Variants in DTNB observed in about 807,000 individuals in gnomAD.
DTNB encodes the protein dystrobrevin beta.
Under a neutral mutation model 90.7 loss-of-function variants are expected in DTNB, and 63 were observed. The ratio of observed to expected loss-of-function variants is 0.69; its 90% CI spans 0.57 to 0.86. The LOEUF (loss-of-function observed/expected upper bound fraction) is 0.86. Ranked by LOEUF, DTNB falls within the 40% of genes least tolerant of loss-of-function variation. The pLI is 0.00. For synonymous variants in DTNB, 277 were observed against 286.7 expected, an observed-to-expected ratio of 0.97 and a Z score of 0.34; for missense variants, 744 against 807.1, an observed-to-expected ratio of 0.92 and a Z score of 0.95.
At chr2:25,452,063 A>T (rs1490116631) in intron 11 of DTNB, among the ~76,000 whole-genome samples, 1 of 152,282 alleles carries the variant, frequency 6.6e-6, no homozygotes, top group African/African-American at 2.4e-5. Flanking sequence ...CTGGCTAAGC[A>T]AAAGTTTGGC....
intron 10 of DTNB, among the ~76,000 whole-genome samples, chr2:25,464,191 G>T (rs2061434043): frequency 6.6e-6 from 1 of 152,214 alleles, no homozygotes; most frequent in Admixed American, 6.5e-5. Flanking sequence ...TTACAGGCAT[G>T]AGCTATCGTG....
chr2:25,386,693 C>T (rs1317802617), intron 18 of DTNB, among the ~76,000 whole-genome samples: 1 of 152,072 alleles, frequency 6.6e-6, no homozygotes, highest in African/African-American at 2.4e-5. Context: ...TGGGAAGTCA[C>T]TGAATTGGTG....
intron 8 of DTNB, among the ~76,000 whole-genome samples, chr2:25,536,227 G>A (rs1374166389): frequency 2.0e-5 from 3 of 151,912 alleles, no homozygotes; most frequent in Non-Finnish European, 2.9e-5. Flanking sequence ...AGACGGGGCG[G>A]CCGGGCAGAG....
chr2:25,492,184 A>C (rs945446295), intron 9 of DTNB, among the ~76,000 whole-genome samples: 3 of 152,168 alleles, frequency 2.0e-5, no homozygotes, highest in African/African-American at 7.2e-5. Context: ...TTTTGGAGTG[A>C]TTTACCCTTT....
intron 1 of DTNB, among the ~76,000 whole-genome samples, chr2:25,659,358 G>T (rs2082695642): frequency 6.6e-6 from 1 of 152,052 alleles, no homozygotes; most frequent in South Asian, 2.1e-4. Flanking sequence ...AAAACAAACA[G>T]TAACAAATTC....
intron 16 of DTNB, among the ~76,000 whole-genome samples, chr2:25,411,903 C>T (rs940601165): frequency 4.6e-5 from 7 of 152,066 alleles, no homozygotes; most frequent in African/African-American, 1.2e-4. Context: ...GCTTCTATTT[C>T]GGAAGATTAA....
At chr2:25,386,716 G>A (rs569384737) in intron 18 of DTNB, among the ~76,000 whole-genome samples, 5 of 152,318 alleles carry the variant, frequency 3.3e-5, no homozygotes, top group African/African-American at 1.2e-4. Flanking sequence ...GTGATGGAGA[G>A]ACTGAGAAAG....
chr2:25,558,459 G>A (rs2057726458), intron 8 of DTNB: 1 of 946,498 alleles, frequency 1.1e-6, no homozygotes, highest in Admixed American at 6.2e-5. Flanking sequence ...GTGGCTAAGT[G>A]ATGACTGCCA....
intron 12 of DTNB, among the ~76,000 whole-genome samples, chr2:25,445,857 T>C (rs1046525338): frequency 5.9e-5 from 9 of 151,842 alleles, no homozygotes; most frequent in African/African-American, 2.2e-4. Context: ...TCTTAGTAGT[T>C]AGGAGACAGG....
chr2:25,427,180 AACACACACACACACACAC>A (rs3041256), intron 15 of DTNB, among the ~76,000 whole-genome samples: 2 of 139,570 alleles, frequency 1.4e-5, no homozygotes, highest in Non-Finnish European at 3.1e-5. Context: ...TCCATCTCAA[AACACACACACACACACAC>A]ACACACACAC....
intron 9 of DTNB, among the ~76,000 whole-genome samples, chr2:25,525,802 G>C (rs1337158929): frequency 6.6e-6 from 1 of 152,090 alleles, no homozygotes; most frequent in Non-Finnish European, 1.5e-5. Flanking sequence ...GAAGAAACGT[G>C]AAGTCAGGTT....
intron 11 of DTNB, among the ~76,000 whole-genome samples, chr2:25,452,738 GT>G (rs946606676): frequency 2.2e-3 from 321 of 144,130 alleles, no homozygotes; most frequent in Middle Eastern, 3.6e-3. Context: ...ATTTTTTCTA[GT>G]TTTTTTTTTT....
At chr2:25,452,187 C>T (rs1427321871) in intron 11 of DTNB, among the ~76,000 whole-genome samples, 2 of 152,094 alleles carry the variant, frequency 1.3e-5, no homozygotes, top group African/African-American at 2.4e-5. Context: ...CATCTATAGC[C>T]CCATCTTGGA....
At chr2:25,420,508 ATCTATCTATCTATC>A (rs2049267490) in intron 15 of DTNB, among the ~76,000 whole-genome samples, 1 of 122,848 alleles carries the variant, frequency 8.1e-6, no homozygotes, top group Non-Finnish European at 1.9e-5. Flanking sequence ...CTATCTATCT[ATCTATCTATCTATC>A]TGTCTGTCTA....
intron 8 of DTNB, among the ~76,000 whole-genome samples, chr2:25,543,542 G>A (rs1652207390): frequency 1.3e-5 from 2 of 152,080 alleles, no homozygotes; most frequent in Non-Finnish European, 2.9e-5. Context: ...GACCTCAAGT[G>A]ATCTGCCCAC....
intron 8 of DTNB, among the ~76,000 whole-genome samples, chr2:25,576,239 T>TC (rs1295903021): frequency 6.8e-6 from 1 of 148,142 alleles, no homozygotes; most frequent in African/African-American, 2.5e-5. Flanking sequence ...TTTTTTTTTT[T>TC]TTTTGAGACA....
chr2:25,551,250 G>T (rs541027302), intron 8 of DTNB, among the ~76,000 whole-genome samples: 1 of 152,126 alleles, frequency 6.6e-6, no homozygotes, highest in East Asian at 1.9e-4. Flanking sequence ...GTTTTAATGC[G>T]CATGAAAGTC....
chr2:25,649,479 T>C (rs572350825), intron 2 of DTNB, among the ~76,000 whole-genome samples: 21 of 151,248 alleles, frequency 1.4e-4, no homozygotes, highest in Admixed American at 5.3e-4. Context: ...TTTTGGGAGG[T>C]AGAGGTGGGA....
At chr2:25,635,815 A>G (rs2077000498) in intron 3 of DTNB, among the ~76,000 whole-genome samples, 1 of 152,248 alleles carries the variant, frequency 6.6e-6, no homozygotes, top group Non-Finnish European at 1.5e-5. Context: ...AGAAAAGCCG[A>G]GCAAAGTAGG....
Sources: allele counts gnomAD v4.1 joint callset (sites outside exome capture counted in the v4.1 genomes callset), GRCh38; gene constraint gnomAD v4.1.1; transcripts MANE v1.5; gene names NCBI Gene and HGNC (gene_info 2026-07-23, HGNC 2026-07-21).